The following TTBK2 variants were observed in gnomAD, a reference collection of about 807,000 sequenced individuals.
TTBK2 encodes the protein tau tubulin kinase 2, also known as tau-tubulin kinase 2.
TTBK2 carries 28 observed loss-of-function variants against 110.8 expected under a neutral mutation model. The observed-to-expected ratio is 0.25, with a 90% CI of 0.19 to 0.35. The LOEUF (loss-of-function observed/expected upper bound fraction) is 0.35. TTBK2 is among the 10% of genes least tolerant of loss of function. The probability of loss-of-function intolerance (pLI) is 1.00; values close to 1 mark genes in which losing one functional copy is unlikely to be tolerated. For missense variants in TTBK2, 1,369 were observed against 1,500.3 expected (o/e 0.91, Z 1.45); for synonymous variants, 532 against 527.3 (o/e 1.01, Z -0.12).
intron 3 of TTBK2, among the ~76,000 whole-genome samples, chr15:42,868,555 T>C (rs1016388153): frequency 1.3e-5 from 2 of 152,052 alleles, no homozygotes; most frequent in Admixed American, 1.3e-4. Flanking sequence ...AAAAAGTAAA[T>C]TTAATATTTG....
intron 9 of TTBK2, chr15:42,801,154 C>A: frequency 8.3e-7 from 1 of 1,208,452 alleles, no homozygotes; most frequent in Non-Finnish European, 1.2e-6. Flanking sequence ...CTCTGACCAC[C>A]TGCATAGCTG....
intron 13 of TTBK2, among the ~76,000 whole-genome samples, chr15:42,763,164 A>G (rs1414745716): frequency 8.8e-5 from 1 of 11,344 alleles, no homozygotes; most frequent in African/African-American, 4.5e-4. Flanking sequence ...ATACATATAT[A>G]TATATATATA....
intron 1 of TTBK2, among the ~76,000 whole-genome samples, chr15:42,911,544 C>T (rs8031111): frequency 0.047 from 7,090 of 152,212 alleles, 543 homozygotes; most frequent in African/African-American, 0.15. Context: ...TGACCCAGAA[C>T]CCTGAAAAGT....
At position 42,911,961 on chromosome 15, in the gene TTBK2, T is replaced by TAC. The variant is rs10545933; in HGVS notation, c.-68+8475_-68+8476dup. Among the ~76,000 whole-genome samples the TAC allele has an allele frequency of 9.9e-3, 1,484 of 149,842 alleles. 24 individuals are homozygous for TAC. The highest frequency in any genetic ancestry group is 0.017 in the East Asian group (86 of 5,104). On this transcript the variant is annotated intron_variant, in intron 1 of 14. Transcript: ENST00000267890. ...CACTAACGATAGCTGATGAGTTAAATACACACACACACACACACACACACA... is the reference window on the plus strand; with the variant it reads ...CACTAACGATAGCTGATGAGTTAAATACACACACACACACACACACACACACA...
At chr15:42,865,070 G>A (rs558187313) in intron 3 of TTBK2, among the ~76,000 whole-genome samples, 1 of 152,116 alleles carries the variant, frequency 6.6e-6, no homozygotes, top group African/African-American at 2.4e-5. Context: ...TTTGAAAGTG[G>A]ACTTGGATTA....
intron 10 of TTBK2, among the ~76,000 whole-genome samples, chr15:42,788,312 C>G (rs1890497450): frequency 6.6e-6 from 1 of 152,112 alleles, no homozygotes; most frequent in African/African-American, 2.4e-5. Flanking sequence ...TGACCTAATA[C>G]CTGATCAATT....
Position 42,815,960 on chromosome 15 carries a change from T to A in TTBK2, c.603+1072A>T, listed in dbSNP as rs866654292. ...TATATATATATATTTAAAAAAAAAA[T>A]ATATATATATATATATATTTGAGAC... On this transcript the variant is annotated intron_variant, in intron 7 of 14. Coordinates refer to ENST00000267890, the MANE Select transcript of TTBK2 (RefSeq NM_173500.4). Among the ~76,000 whole-genome samples the A allele has an allele frequency of 8.2e-3, 586 of 71,040 alleles. 12 individuals are homozygous for A. The highest frequency in any genetic ancestry group is 0.013 in the Middle Eastern group (2 of 150). The allele number at this position is 71,040 out of a possible 152,430, so 46.6% of individuals were successfully genotyped here.
intron 2 of TTBK2, among the ~76,000 whole-genome samples, chr15:42,876,640 C>A: frequency 6.6e-6 from 1 of 152,066 alleles, no homozygotes; most frequent in East Asian, 1.9e-4. Flanking sequence ...CCAATCTGTT[C>A]ATAGATTAAG....
chr15:42,837,596 T>C (rs907623604), intron 4 of TTBK2, among the ~76,000 whole-genome samples: 2 of 148,342 alleles, frequency 1.3e-5, no homozygotes, highest in African/African-American at 2.5e-5. Flanking sequence ...GAGGTGGAAG[T>C]TGCAGTGAGC....
intron 10 of TTBK2, among the ~76,000 whole-genome samples, chr15:42,785,341 G>A (rs925052109): frequency 4.6e-5 from 7 of 151,872 alleles, no homozygotes; most frequent in Non-Finnish European, 5.9e-5. Context: ...GGCTGGTCTC[G>A]AACTCCTGGC....
At chr15:42,841,854 G>T (rs538510206) in intron 3 of TTBK2, among the ~76,000 whole-genome samples, 4 of 152,252 alleles carry the variant, frequency 2.6e-5, no homozygotes, top group African/African-American at 9.6e-5. Context: ...TAGATTTTAA[G>T]GGATACTAAA....
intron 13 of TTBK2, among the ~76,000 whole-genome samples, chr15:42,767,483 C>T (rs941613227): frequency 3.9e-5 from 6 of 152,144 alleles, no homozygotes; most frequent in Non-Finnish European, 5.9e-5. Flanking sequence ...ATTATAAACA[C>T]CTCTATGCAA....
chr15:42,893,010 CAAAAA>C (rs780103161), intron 1 of TTBK2, among the ~76,000 whole-genome samples: 1 of 57,714 alleles, frequency 1.7e-5, no homozygotes, highest in Non-Finnish European at 3.7e-5. Flanking sequence ...GACTCTGTCT[CAAAAA>C]AAAAAAAAAA....
chr15:42,872,034 T>C (rs1894634643), intron 3 of TTBK2, among the ~76,000 whole-genome samples: 1 of 152,146 alleles, frequency 6.6e-6, no homozygotes. Context: ...TACCACTGGA[T>C]TCATGTCAGA....
chr15:42,890,898 C>T (rs757404868), intron 1 of TTBK2, among the ~76,000 whole-genome samples: 1 of 152,102 alleles, frequency 6.6e-6, no homozygotes, highest in Non-Finnish European at 1.5e-5. Flanking sequence ...GATGGAGTCT[C>T]ACTCCTTTTG....
At chr15:42,772,886 G>GT (rs1361592841) in intron 13 of TTBK2, among the ~76,000 whole-genome samples, 8 of 152,132 alleles carry the variant, frequency 5.3e-5, no homozygotes, top group Admixed American at 5.2e-4. Flanking sequence ...TTTGAGACCA[G>GT]TCTGGGCAAC....
chr15:42,862,014 C>T (rs757784708), intron 3 of TTBK2, among the ~76,000 whole-genome samples: 2 of 152,114 alleles, frequency 1.3e-5, no homozygotes, highest in East Asian at 1.9e-4. Flanking sequence ...TGGAAACACA[C>T]AAACTCCTAA....
At chr15:42,784,339 G>C (rs1890314084) in intron 10 of TTBK2, among the ~76,000 whole-genome samples, 1 of 151,858 alleles carries the variant, frequency 6.6e-6, no homozygotes, top group African/African-American at 2.4e-5. Flanking sequence ...GTGCAGTGAC[G>C]CGATCTCGGC....
chr15:42,836,183 G>C (rs1421064861), intron 4 of TTBK2, among the ~76,000 whole-genome samples: 2 of 152,120 alleles, frequency 1.3e-5, no homozygotes, highest in Admixed American at 6.6e-5. Context: ...AACTGCTTGA[G>C]CTCTGTAAGA....
Sources: gnomAD v4.1 joint callset for allele counts (sites outside exome capture counted in the v4.1 genomes callset) on GRCh38, gnomAD v4.1.1 for gene constraint, MANE v1.5 for transcripts, NCBI Gene and HGNC (gene_info 2026-07-23, HGNC 2026-07-21) for gene names.